GRM5: variants seen among roughly 807,000 people sequenced by gnomAD.
GRM5 encodes the protein metabotropic glutamate receptor 5.
In GRM5, 19 loss-of-function variants were observed where a neutral mutation model predicts 83.1. The observed-to-expected ratio is 0.23, with a 90% CI of 0.16 to 0.34. GRM5 has a LOEUF of 0.34. Among genes scored for constraint, GRM5 ranks in the 10% least tolerant of loss-of-function variants. GRM5 has a pLI of 1.00. For synonymous variants in GRM5, 675 were observed against 633.6 expected, an observed-to-expected ratio of 1.07 and a Z score of -0.98; for missense variants, 1,160 against 1,588.3, an observed-to-expected ratio of 0.73 and a Z score of 4.58.
At position 89,052,253 on chromosome 11, in the gene GRM5, T is replaced by C. The variant is rs372284009; in HGVS notation, c.-200-4181A>G. 2.6e-5 allele frequency among the ~76,000 whole-genome samples: 4 copies of C among 152,118 alleles called. No individual in the cohort carries two copies. The South Asian group carries it at 8.3e-4, about 31-fold the overall frequency. ...ACATGCAAATTGAGGGTCATCAATATATAAAATATTTAGAATGCATGAAAT... is the reference window on the plus strand; with the variant it reads ...ACATGCAAATTGAGGGTCATCAATACATAAAATATTTAGAATGCATGAAAT... On this transcript the variant is annotated intron_variant, in intron 1 of 9. Coordinates refer to ENST00000305447, the MANE Select transcript of GRM5 (RefSeq NM_001143831.3).
At chr11:88,855,857 A>G (rs963803450) in intron 2 of GRM5, among the ~76,000 whole-genome samples, 7 of 151,954 alleles carry the variant, frequency 4.6e-5, no homozygotes, top group East Asian at 3.8e-4. Context: ...ATTTAACTAC[A>G]TATCATCACA....
chr11:88,902,729 G>A (rs1257255996), intron 2 of GRM5, among the ~76,000 whole-genome samples: 1 of 152,022 alleles, frequency 6.6e-6, no homozygotes, highest in Admixed American at 6.6e-5. Context: ...GCCGAAGCAG[G>A]CGGATCATGA....
In GRM5 at chr11:88,880,260, G is replaced by A. The variant is rs182318591; in HGVS notation, c.662-30105C>T. Among the ~76,000 whole-genome samples, 67 of 152,226 alleles carry A rather than the reference G, an allele frequency of 4.4e-4. 1 individual carries two copies. The highest frequency in any genetic ancestry group is 1.5e-3 in the African/African-American group (64 of 41,570). ...GTCTTAACAGAAACAAAAATGTGAA[G>A]AGCAAGCAATGCGTAAATATTAGGT... On this transcript the variant is annotated intron_variant, in intron 2 of 9. Coordinates refer to ENST00000305447, the MANE Select transcript of GRM5 (RefSeq NM_001143831.3).
chr11:88,700,051 A>G (rs934419613), intron 3 of GRM5, among the ~76,000 whole-genome samples: 19 of 152,194 alleles, frequency 1.2e-4, no homozygotes, highest in African/African-American at 4.3e-4. Context: ...TATCTACTTC[A>G]TGAGGGAAGA....
intron 2 of GRM5, among the ~76,000 whole-genome samples, chr11:88,918,216 C>T (rs1165471312): frequency 1.3e-5 from 2 of 150,928 alleles, no homozygotes; most frequent in African/African-American, 4.9e-5. Flanking sequence ...AAAAACAAAC[C>T]AAACAAACAA....
rs960360841 is a variant in GRM5 at position 88,575,698 on chromosome 11, T to C, written c.1691-7706A>G. 9.2e-5 allele frequency among the ~76,000 whole-genome samples: 14 copies of C among 152,340 alleles called. No individual in the cohort carries two copies. The East Asian group carries it at 1.4e-3, about 15-fold the overall frequency. On this transcript the variant is annotated intron_variant, in intron 7 of 9. Transcript: ENST00000305447. ...GAGACACTGATTGATCAGTTGTTTT[T>C]CTTGGGTTCCTAAAGTTTTCTAGCA...
intron 2 of GRM5, among the ~76,000 whole-genome samples, chr11:88,905,717 C>T (rs528997187): frequency 9.2e-5 from 14 of 152,204 alleles, no homozygotes; most frequent in Non-Finnish European, 1.8e-4. Context: ...TGATACCTGA[C>T]TTTGAGTCTC....
At chr11:89,051,695 G>C (rs1941765798) in intron 1 of GRM5, among the ~76,000 whole-genome samples, 2 of 152,184 alleles carry the variant, frequency 1.3e-5, no homozygotes, top group African/African-American at 4.8e-5. Flanking sequence ...GGGTGAAAGA[G>C]TGATACTCCG....
chr11:88,986,912 G>A (rs967739377), intron 2 of GRM5, among the ~76,000 whole-genome samples: 1 of 151,962 alleles, frequency 6.6e-6, no homozygotes, highest in Non-Finnish European at 1.5e-5. Context: ...TCCAGGCCTG[G>A]CATGGTGGCT....
chr11:88,880,772 C>T (rs117942539), intron 2 of GRM5, among the ~76,000 whole-genome samples: 4,790 of 152,132 alleles, frequency 0.031, 107 homozygotes, highest in Non-Finnish European at 0.048. Flanking sequence ...AGGAGAGGTA[C>T]GAACAATTAA....
At chr11:88,635,593 T>C (rs957911915) in intron 4 of GRM5, among the ~76,000 whole-genome samples, 2 of 152,218 alleles carry the variant, frequency 1.3e-5, no homozygotes, top group Non-Finnish European at 2.9e-5. Flanking sequence ...TTGAATTTTA[T>C]CAGATATATG....
intron 9 of GRM5, among the ~76,000 whole-genome samples, chr11:88,510,256 TAGCAGAGTG>T (rs1190033165): frequency 6.6e-6 from 1 of 152,280 alleles, no homozygotes; most frequent in African/African-American, 2.4e-5. Context: ...CTTCGGCACT[TAGCAGAGTG>T]ATCTCAAATT....
intron 2 of GRM5, among the ~76,000 whole-genome samples, chr11:89,013,866 G>A (rs2135095478): frequency 6.6e-6 from 1 of 152,176 alleles, no homozygotes. Context: ...CATGCACCTT[G>A]CTCATTGACT....
chr11:89,034,879 G>A (rs1941348850), intron 2 of GRM5, among the ~76,000 whole-genome samples: 1 of 148,162 alleles, frequency 6.7e-6, no homozygotes, highest in Non-Finnish European at 1.5e-5. Flanking sequence ...AATGTATTAG[G>A]TATAAGAGGC....
chr11:88,582,452 C>G (rs1179997109), intron 7 of GRM5, among the ~76,000 whole-genome samples: 1 of 152,090 alleles, frequency 6.6e-6, no homozygotes. Flanking sequence ...GTGATAAAAT[C>G]TTTTGCTGAA....
At chr11:88,775,975 G>A (rs1942839203) in intron 3 of GRM5, among the ~76,000 whole-genome samples, 1 of 152,180 alleles carries the variant, frequency 6.6e-6, no homozygotes, top group Admixed American at 6.5e-5. Context: ...TCAGAGCTGA[G>A]TTCAGGTCCT....
chr11:88,877,768 T>C (rs553626764), intron 2 of GRM5, among the ~76,000 whole-genome samples: 10 of 149,646 alleles, frequency 6.7e-5, no homozygotes, highest in African/African-American at 2.0e-4. Context: ...AAGCAGAGAT[T>C]GCAATGAGCC....
chr11:88,590,267 C>G (rs367703414), intron 7 of GRM5, among the ~76,000 whole-genome samples: 126 of 152,226 alleles, frequency 8.3e-4, no homozygotes, highest in Middle Eastern at 6.8e-3. Context: ...CTGGCTAAAA[C>G]TTCTTTCTCT....
chr11:88,795,907 A>AT (rs1414332020), intron 3 of GRM5, among the ~76,000 whole-genome samples: 1 of 152,192 alleles, frequency 6.6e-6, no homozygotes. Context: ...AGCTTTCTTG[A>AT]TAAAAAAAGA....
Sources: gnomAD v4.1 joint callset for allele counts (sites outside exome capture counted in the v4.1 genomes callset) on GRCh38, gnomAD v4.1.1 for gene constraint, MANE v1.5 for transcripts, NCBI Gene and HGNC (gene_info 2026-07-23, HGNC 2026-07-21) for gene names.